The following DGKK variants were observed in gnomAD, a reference collection of about 807,000 sequenced individuals.
The protein encoded by DGKK is 142 kDa diacylglycerol kinase.
In DGKK, 35 loss-of-function variants were observed where a neutral mutation model predicts 92.2. That is an observed-to-expected ratio of 0.38 (90% CI 0.29 to 0.50). The LOEUF is 0.50. DGKK is among the 20% of genes least tolerant of loss of function. DGKK has a pLI of 0.92. For missense variants in DGKK, 910 were observed against 992.2 expected (o/e 0.92, Z 1.11); for synonymous variants, 368 against 360.6 (o/e 1.02, Z -0.23).
At chrX:50,419,823 A>C (rs1453967593) in intron 4 of DGKK, among the ~76,000 whole-genome samples, 7 of 111,801 alleles carry the variant, frequency 6.3e-5, no homozygotes, top group Admixed American at 1.9e-4. Context: ...TGGTACCACC[A>C]GGTAAAAAAG....
At position 50,404,185 on chromosome X, in the gene DGKK, C is replaced by A. The variant is rs1184443533; in HGVS notation, c.943-1G>T. 3 of 1,199,600 alleles carry A rather than the reference C, an allele frequency of 2.5e-6. No homozygotes were observed. The highest frequency in any genetic ancestry group is 3.5e-5 in the African/African-American group (2 of 56,609). Reference sequence around the variant, plus strand: ...AAGGGTTGTTTTCTGCTGCAGGTATCTAAAATAAATAAACGAGAAGAGAGA... The same window carrying A: ...AAGGGTTGTTTTCTGCTGCAGGTATATAAAATAAATAAACGAGAAGAGAGA... On this transcript the variant is annotated splice_acceptor_variant, in intron 4 of 27. Coordinates refer to ENST00000611977, the MANE Select transcript of DGKK (RefSeq NM_001013742.4). LOFTEE classifies it high-confidence loss of function.
At position 50,385,905 on chromosome X, in the gene DGKK, C is replaced by A. The variant is rs191606844; in HGVS notation, c.2347+453G>T. 2.0e-4 allele frequency among the ~76,000 whole-genome samples: 22 copies of A among 111,884 alleles called. No individual in the cohort carries two copies. The East Asian group carries it at 5.7e-3, about 29-fold the overall frequency. On this transcript the variant is annotated intron_variant, in intron 15 of 27. Transcript: ENST00000611977. ...GTAATTAATGCTAGAACTGTCAGGA[C>A]CACTCTCAGGGCCCTTGTGCCTGAT... is the stretch of plus-strand genomic sequence containing the variant.
chrX:50,398,539 A>G (rs782147611), intron 8 of DGKK, among the ~76,000 whole-genome samples: 8 of 112,361 alleles, frequency 7.1e-5, no homozygotes, highest in African/African-American at 2.6e-4. Flanking sequence ...TAAGACACCA[A>G]ACAAAAAGAA....
rs1242741925 is a variant in DGKK at position 50,411,196 on chromosome X, T to C, written c.943-7012A>G. ...CAGCTGGCCCCATCCAACCCTAGTG[T>C]CAGAGAGGTGATCCAATAAATTCTG... On this transcript the variant is annotated intron_variant, in intron 4 of 27. Transcript: ENST00000611977. Among the ~76,000 whole-genome samples the C allele has an allele frequency of 2.7e-5, 3 of 111,557 alleles. No individual in the cohort carries two copies. The Admixed American group carries it at 2.9e-4, about 11-fold the overall frequency.
At chrX:50,440,517 T>G (rs782193107) in intron 1 of DGKK, among the ~76,000 whole-genome samples, 1 of 111,623 alleles carries the variant, frequency 9.0e-6, no homozygotes, top group African/African-American at 3.2e-5. Flanking sequence ...CCTTTCTTAT[T>G]CTATTATACT....
At chrX:50,412,795 G>T (rs1303905432) in intron 4 of DGKK, among the ~76,000 whole-genome samples, 1 of 111,853 alleles carries the variant, frequency 8.9e-6, no homozygotes, top group Non-Finnish European at 1.9e-5. Context: ...ATGTTGGCTG[G>T]ATATCCACAT....
At chrX:50,375,699 C>G (rs782391810) in intron 24 of DGKK, among the ~76,000 whole-genome samples, 1 of 111,573 alleles carries the variant, frequency 9.0e-6, no homozygotes, top group Non-Finnish European at 1.9e-5. Flanking sequence ...TCAGGTTATA[C>G]AGAGATCTAC....
chrX:50,464,485 T>A (rs1463742475), intron 1 of DGKK, among the ~76,000 whole-genome samples: 3 of 110,372 alleles, frequency 2.7e-5, no homozygotes, highest in Non-Finnish European at 5.7e-5. Context: ...TGTGTGTATC[T>A]AGAGGGGAGG....
At chrX:50,447,356 TAATATATATATATTA>T (rs1926354543) in intron 1 of DGKK, among the ~76,000 whole-genome samples, 1 of 10,601 alleles carries the variant, frequency 9.4e-5, no homozygotes, top group Non-Finnish European at 1.7e-4. Flanking sequence ...TATATATATA[TAATATATATATATTA>T]TATATATATA....
intron 14 of DGKK, 87 bp from the exon 15 acceptor site, chrX:50,386,673 G>T: frequency 6.6e-6 from 5 of 759,959 alleles, no homozygotes; most frequent in Non-Finnish European, 9.6e-6. Flanking sequence ...ATATGGGGAA[G>T]GGTAGGGAGG....
chrX:50,421,635 A>C (rs1267686179), intron 3 of DGKK, among the ~76,000 whole-genome samples: 1 of 112,071 alleles, frequency 8.9e-6, no homozygotes, highest in Non-Finnish European at 1.9e-5. Context: ...CAGAGCCCTC[A>C]GTTTTACCCT....
At chrX:50,429,276 T>C (rs1406741618) in intron 1 of DGKK, among the ~76,000 whole-genome samples, 1 of 111,611 alleles carries the variant, frequency 9.0e-6, no homozygotes, top group Non-Finnish European at 1.9e-5. Context: ...CCTCTCCCCG[T>C]GATGAGAAAA....
chrX:50,460,857 A>C (rs371353722), intron 1 of DGKK, among the ~76,000 whole-genome samples: 2 of 109,139 alleles, frequency 1.8e-5, no homozygotes, highest in South Asian at 7.7e-4. Flanking sequence ...GTTTAGCATA[A>C]TGCTGTAACT....
rs1557228092 is a variant in DGKK at position 50,412,686 on chromosome X, A to G, written c.942+7717T>C. ...AACAGGGTAGGAAACCCAGAAATAA[A>G]CCCATGCATTTACAGTTAACTGACA... On this transcript the variant is annotated intron_variant, in intron 4 of 27. Transcript: ENST00000611977. 2.7e-5 allele frequency among the ~76,000 whole-genome samples: 3 copies of G among 112,461 alleles called. No individual in the cohort carries two copies. The Admixed American group carries it at 2.8e-4, about 11-fold the overall frequency.
At position 50,396,500 on chromosome X, in the gene DGKK, A is replaced by C. The variant is rs138006742; in HGVS notation, c.1412-3165T>G. On this transcript the variant is annotated intron_variant, in intron 8 of 27. Transcript: ENST00000611977. Reference sequence around the variant, plus strand: ...GAAATAGGAAAAAAGAATTATGCTAATGCTGTCTATAAATTAAATAGCCAT... The same window carrying C: ...GAAATAGGAAAAAAGAATTATGCTACTGCTGTCTATAAATTAAATAGCCAT... Among the ~76,000 whole-genome samples, 323 of 112,518 alleles carry C rather than the reference A, an allele frequency of 2.9e-3. 1 individual carries two copies. Among genetic ancestry groups the C allele is most frequent in the Non-Finnish European group, 2.5e-3 (131 of 53,302 alleles).
chrX:50,470,556 C>T lies in DGKK; in HGVS notation c.123G>A (p.Pro41=), dbSNP rs782306219. The change falls in exon 1 of 28, where the codon CCG becomes CCA. Residue 41 remains proline, a synonymous_variant. Transcript: ENST00000611977. ...PPPPPPPAPP[P]APPLLSEASP... is the part of the protein sequence containing the mutation. ...AAGCCTCGGAGAGCAGCGGCGGAGC[C>T]GGCGGCGGAGCCGGTGGTGGTGGCG... 5 of 1,203,744 alleles carry T rather than the reference C, an allele frequency of 4.2e-6. No individual in the cohort carries two copies. The highest frequency in any genetic ancestry group is 4.5e-6 in the Non-Finnish European group (4 of 893,398).
intron 26 of DGKK, 69 bp from the exon 27 acceptor site, chrX:50,370,618 G>T: frequency 9.2e-7 from 1 of 1,084,800 alleles, no homozygotes; most frequent in Non-Finnish European, 1.2e-6. Context: ...CTGGAGTCCT[G>T]GAAAAGTGGT....
chrX:50,384,632 G>T, intron 16 of DGKK, 88 bp downstream of exon 16: 1 of 844,190 alleles, frequency 1.2e-6, no homozygotes, highest in Non-Finnish European at 1.7e-6. Flanking sequence ...GCTAAAAGAG[G>T]ATGCATAAAA....
Position 50,378,124 on chromosome X carries a change from C to T in DGKK, c.3085G>A (p.Ala1029Thr), listed in dbSNP as rs782011500. ...CGATCTCTTGTCAGCATCTGGGCAG[C>T]GTTCTTGTATCTAATTTTGATAAGG... ...PGLIKIRYKN[A>T]AQMLTRDRDF... is the part of the protein sequence containing the mutation. The change falls in exon 22 of 28, where the codon GCT (alanine) becomes ACT (threonine). Residue 1029 changes from alanine (A) to threonine (T), a missense_variant. Ala to Thr is a moderately conservative substitution (Grantham distance 58, BLOSUM62 0). Transcript: ENST00000611977. 1.2e-5 allele frequency: 14 copies of T among 1,207,778 alleles called. No homozygotes were observed. The highest frequency in any genetic ancestry group is 6.6e-5 in the Admixed American group (3 of 45,442).
Sources: gnomAD v4.1 joint callset for allele counts (sites outside exome capture counted in the v4.1 genomes callset) on GRCh38, gnomAD v4.1.1 for gene constraint, MANE v1.5 for transcripts, NCBI Gene and HGNC (gene_info 2026-07-23, HGNC 2026-07-21) for gene names.